ADCY9: variants seen among roughly 807,000 people sequenced by gnomAD.
ADCY9 encodes the protein adenylate cyclase type 9.
In ADCY9, 50 loss-of-function variants were observed where a neutral mutation model predicts 101.5. The observed-to-expected ratio is 0.49, with a 90% CI of 0.39 to 0.62. The LOEUF (loss-of-function observed/expected upper bound fraction) is 0.62, where lower values mean the gene tolerates loss of function less well. Ranked by LOEUF, ADCY9 falls within the 20% of genes least tolerant of loss-of-function variation. The pLI, the probability that ADCY9 is intolerant of heterozygous loss-of-function variation, is 0.00. For synonymous variants in ADCY9, 905 were observed against 769.3 expected (o/e 1.18, Z -2.92); for missense variants, 1,662 against 1,800.4 (o/e 0.92, Z 1.39).
chr16:4,017,960 C>T (rs965681446), intron 2 of ADCY9, among the ~76,000 whole-genome samples: 1 of 152,208 alleles, frequency 6.6e-6, no homozygotes, highest in African/African-American at 2.4e-5. Context: ...CAGCCACACC[C>T]GCACGCCAGA....
At chr16:3,999,102 C>T (rs1401337286) in intron 3 of ADCY9, among the ~76,000 whole-genome samples, 3 of 152,172 alleles carry the variant, frequency 2.0e-5, no homozygotes, top group African/African-American at 7.2e-5. Flanking sequence ...CTGCAGGCAT[C>T]TCCACCCCTG....
At chr16:4,044,984 G>A (rs2056653202) in intron 2 of ADCY9, among the ~76,000 whole-genome samples, 1 of 152,156 alleles carries the variant, frequency 6.6e-6, no homozygotes, top group Non-Finnish European at 1.5e-5. Context: ...CGGTATGGTT[G>A]ATAAGACAAG....
chr16:4,069,708 C>T (rs889189561), intron 2 of ADCY9, among the ~76,000 whole-genome samples: 1 of 152,126 alleles, frequency 6.6e-6, no homozygotes, highest in Non-Finnish European at 1.5e-5. Flanking sequence ...AGGATTCGGA[C>T]AGTGTTACAG....
chr16:4,043,619 G>A (rs1224981076), intron 2 of ADCY9, among the ~76,000 whole-genome samples: 8 of 152,120 alleles, frequency 5.3e-5, no homozygotes, highest in Non-Finnish European at 1.0e-4. Context: ...GAACATGAGA[G>A]GCAGAGGTTG....
intron 2 of ADCY9, among the ~76,000 whole-genome samples, chr16:4,078,655 C>G (rs2056883539): frequency 6.6e-6 from 1 of 151,342 alleles, no homozygotes; most frequent in African/African-American, 2.4e-5. Context: ...GCTTTTCTAA[C>G]CATGATACTA....
At chr16:4,039,548 A>G (rs1356799182) in intron 2 of ADCY9, among the ~76,000 whole-genome samples, 2 of 151,874 alleles carry the variant, frequency 1.3e-5, no homozygotes, top group African/African-American at 4.8e-5. Flanking sequence ...GCACGGTGGC[A>G]TGTATCTGTA....
intron 2 of ADCY9, among the ~76,000 whole-genome samples, chr16:4,019,328 G>A (rs2056459651): frequency 6.6e-6 from 1 of 152,092 alleles, no homozygotes; most frequent in Admixed American, 6.5e-5. Context: ...CATTCCATAA[G>A]TTGAGAGCAG....
At chr16:3,959,215 G>C (rs2055924820), downstream of ADCY9, among the ~76,000 whole-genome samples, 1 of 152,026 alleles carries the variant, frequency 6.6e-6, no homozygotes, top group African/African-American at 2.4e-5. Context: ...ACAAAAACCA[G>C]CAGGGCGTAG....
chr16:4,021,563 C>T (rs559202748), intron 2 of ADCY9, among the ~76,000 whole-genome samples: 3 of 152,210 alleles, frequency 2.0e-5, no homozygotes, highest in Admixed American at 2.0e-4. Context: ...CAACTCAGAG[C>T]TAGGAGAGTA....
chr16:4,109,016 T>C (rs931131297), intron 2 of ADCY9, among the ~76,000 whole-genome samples: 21 of 152,302 alleles, frequency 1.4e-4, no homozygotes, highest in Non-Finnish European at 2.5e-4. Flanking sequence ...CCTCACTTTT[T>C]AGATTATTTC....
Position 3,993,434 on chromosome 16 carries a change from C to T in ADCY9, c.1961G>A (p.Cys654Tyr). ...GGTGCTGTTTTTATGCTCGTCTTGG[C>T]AGCCGTTTTGAGGTGCTCCTCCCTC... The part of the protein sequence containing the change: ...GAEGGAPQNG[C>Y]QDEHKNSTKA... The change falls in exon 4 of 11, where the codon TGC becomes TAC. Residue 654 changes from cysteine to tyrosine, a missense_variant. Physicochemically the swap from Cys to Tyr is radical, Grantham distance 194 (BLOSUM62 -2). This residue lies in a region of ADCY9 where 624 missense variants were observed against 639.1 expected (regional missense o/e 0.98). Coordinates refer to ENST00000294016, the MANE Select transcript of ADCY9 (RefSeq NM_001116.4). The T allele has an allele frequency of 6.2e-7, 1 of 1,614,196 alleles. No homozygotes were observed. The highest frequency in any genetic ancestry group is 1.1e-5 in the South Asian group (1 of 91,088).
Position 3,973,635 on chromosome 16 carries a change from G to C in ADCY9, c.2870+1034C>G, listed in dbSNP as rs1597136874. ...GCTTCCCGAGTAGCTGGGACTACAG[G>C]TGCATACCACCATACCTGGCTAATT... On this transcript the variant is annotated intron_variant, in intron 10 of 10. Coordinates refer to ENST00000294016, the MANE Select transcript of ADCY9 (RefSeq NM_001116.4). Among the ~76,000 whole-genome samples, 3 of 152,028 alleles carry C rather than the reference G, an allele frequency of 2.0e-5. 1 individual carries two copies. The highest frequency in any genetic ancestry group is 2.0e-4 in the Admixed American group (3 of 15,254).
chr16:4,068,536 C>T (rs917075930), intron 2 of ADCY9, among the ~76,000 whole-genome samples: 2 of 151,950 alleles, frequency 1.3e-5, no homozygotes, highest in African/African-American at 2.4e-5. Flanking sequence ...AGTTCATGGC[C>T]GGGCACGGTG....
intron 2 of ADCY9, among the ~76,000 whole-genome samples, chr16:4,019,630 TC>T (rs1325913735): frequency 6.6e-6 from 1 of 151,906 alleles, no homozygotes; most frequent in African/African-American, 2.4e-5. Flanking sequence ...CTTCAGAAAC[TC>T]CCCTGTCTTA....
At chr16:4,070,997 C>T (rs2056830133) in intron 2 of ADCY9, among the ~76,000 whole-genome samples, 1 of 151,764 alleles carries the variant, frequency 6.6e-6, no homozygotes, top group Non-Finnish European at 1.5e-5. Context: ...AATATAACCA[C>T]AACTTTTCTT....
intron 2 of ADCY9, among the ~76,000 whole-genome samples, chr16:4,020,180 A>G (rs1303685488): frequency 1.3e-5 from 2 of 152,254 alleles, no homozygotes; most frequent in Non-Finnish European, 2.9e-5. Context: ...ACATGTGGCT[A>G]CTGACCACTC....
chr16:4,114,705 CA>C lies in ADCY9; in HGVS notation c.737del (p.Leu246CysfsTer37), dbSNP rs755413397. ...TVMHLPLYLS[L>X]CLGVAYSVLF... is the part of the protein sequence containing the mutation. ...GGACAGAGTAGGCCACCCCCAGACACAAACTCAGGTACAAAGGTAAGTGCAT... is the reference window on the plus strand; with the variant it reads ...GGACAGAGTAGGCCACCCCCAGACACAACTCAGGTACAAAGGTAAGTGCAT... On this transcript the variant is annotated frameshift_variant, in exon 2 of 11. Coordinates refer to ENST00000294016, the MANE Select transcript of ADCY9 (RefSeq NM_001116.4). LOFTEE classifies it high-confidence loss of function. This position sits in a 1 kb window ranked among gnomAD's most constrained non-coding sequence, Gnocchi z 4.3. The C allele has an allele frequency of 6.2e-7, 1 of 1,613,178 alleles. No individual in the cohort carries two copies. The highest frequency in any genetic ancestry group is 8.5e-7 in the Non-Finnish European group (1 of 1,180,048).
chr16:3,990,722 G>C (rs1367791404), intron 5 of ADCY9, among the ~76,000 whole-genome samples: 3 of 152,226 alleles, frequency 2.0e-5, no homozygotes, highest in Non-Finnish European at 4.4e-5. Context: ...CGCAGCTGCA[G>C]AGAGGATGTG....
At chr16:4,084,968 A>G (rs1214675735) in intron 2 of ADCY9, among the ~76,000 whole-genome samples, 1 of 152,100 alleles carries the variant, frequency 6.6e-6, no homozygotes, top group Non-Finnish European at 1.5e-5. Flanking sequence ...CACATTTTTA[A>G]AAGTCTTCAG....
Sources: gnomAD v4.1 joint callset for allele counts (sites outside exome capture counted in the v4.1 genomes callset) on GRCh38, gnomAD v4.1.1 for gene constraint, gnomAD v4.1.1 regional missense constraint, Gnocchi (gnomAD v3.1) non-coding constraint, MANE v1.5 for transcripts, NCBI Gene and HGNC (gene_info 2026-07-23, HGNC 2026-07-21) for gene names.